The following TAFA1 variants were observed in gnomAD, a reference collection of about 807,000 sequenced individuals.
The protein encoded by TAFA1 is chemokine-like protein TAFA-1.
TAFA1 carries 4 observed loss-of-function variants against 18.5 expected under a neutral mutation model. That is an observed-to-expected ratio of 0.22 (90% CI 0.11 to 0.49). The LOEUF is 0.49. TAFA1 is among the 20% of genes least tolerant of loss of function. TAFA1 has a pLI of 0.98. For missense variants in TAFA1, 147 were observed against 169.0 expected (o/e 0.87, Z 0.72); for synonymous variants, 56 against 55.2 (o/e 1.01, Z -0.06).
intron 2 of TAFA1, among the ~76,000 whole-genome samples, chr3:68,361,165 T>TA (rs147885772): frequency 0.076 from 11,586 of 151,898 alleles, 635 homozygotes; most frequent in East Asian, 0.28. Context: ...AACAGCATTA[T>TA]AAAAAAGAAT....
chr3:68,487,806 C>CAAA lies in TAFA1; in HGVS notation c.260-50948_260-50946dup, dbSNP rs540869246. 1.1e-4 allele frequency among the ~76,000 whole-genome samples: 11 copies of CAAA among 97,588 alleles called. 1 individual carries two copies. Among genetic ancestry groups the CAAA allele is most frequent in the South Asian group, 3.3e-4 (1 of 3,026 alleles). The allele number at this position is 97,588 out of a possible 152,430, so 64.0% of individuals were successfully genotyped here. A position where few individuals can be genotyped will look rare whatever the true frequency, so the allele number is the denominator to read the frequency against. ...GTGAGTGTTAAACTGTTCTCTGTAC[C>CAAA]AAAAGAAAAAAAAAAAAGGTGAAGT... On this transcript the variant is annotated intron_variant, in intron 3 of 4. Transcript: ENST00000478136.
chr3:68,193,747 CA>C (rs112863815), intron 2 of TAFA1, among the ~76,000 whole-genome samples: 18 of 146,400 alleles, frequency 1.2e-4, no homozygotes, highest in Middle Eastern at 3.5e-3. Flanking sequence ...AAGTGGATTG[CA>C]AAAAAAAAAT....
intron 3 of TAFA1, among the ~76,000 whole-genome samples, chr3:68,460,685 AG>A (rs762756670): frequency 3.9e-5 from 6 of 152,162 alleles, no homozygotes; most frequent in Non-Finnish European, 7.3e-5. Context: ...AGATGAGAAA[AG>A]GCAGTACCTG....
chr3:68,357,410 G>A (rs576777913), intron 2 of TAFA1, among the ~76,000 whole-genome samples: 2 of 151,940 alleles, frequency 1.3e-5, no homozygotes, highest in South Asian at 2.1e-4. Flanking sequence ...ATAGCAAGGC[G>A]AAAAACACTT....
chr3:68,156,814 C>T (rs1286228106), intron 2 of TAFA1, among the ~76,000 whole-genome samples: 3 of 151,936 alleles, frequency 2.0e-5, no homozygotes, highest in Non-Finnish European at 4.4e-5. Flanking sequence ...TTAATTAATG[C>T]CATCCTTATC....
At chr3:68,375,728 C>T (rs1039816459) in intron 2 of TAFA1, among the ~76,000 whole-genome samples, 1 of 152,170 alleles carries the variant, frequency 6.6e-6, no homozygotes, top group African/African-American at 2.4e-5. Context: ...GTGTATCAGG[C>T]TCAGTGCTAC....
At chr3:68,213,038 C>G (rs1398355348) in intron 2 of TAFA1, among the ~76,000 whole-genome samples, 1 of 150,296 alleles carries the variant, frequency 6.7e-6, no homozygotes, top group African/African-American at 2.4e-5. Flanking sequence ...TTTTTTTAAT[C>G]ATTTTAGAGA....
chr3:68,511,591 C>T (rs1334872918), intron 3 of TAFA1, among the ~76,000 whole-genome samples: 1 of 151,958 alleles, frequency 6.6e-6, no homozygotes, highest in Non-Finnish European at 1.5e-5. Flanking sequence ...CTTTAAATAA[C>T]TACATATTAA....
chr3:68,026,157 A>T (rs1387833221), intron 2 of TAFA1, among the ~76,000 whole-genome samples: 1 of 152,090 alleles, frequency 6.6e-6, no homozygotes, highest in Admixed American at 6.6e-5. Flanking sequence ...CTTTGCTAAA[A>T]ATGAAATTCC....
intron 4 of TAFA1, among the ~76,000 whole-genome samples, chr3:68,539,375 G>C (rs1007445460): frequency 2.6e-5 from 4 of 151,970 alleles, no homozygotes; most frequent in African/African-American, 4.8e-5. Context: ...GGTTAAATCA[G>C]GAGTGATCTT....
chr3:68,058,282 T>G (rs1334548142), intron 2 of TAFA1, among the ~76,000 whole-genome samples: 1 of 152,236 alleles, frequency 6.6e-6, no homozygotes, highest in Non-Finnish European at 1.5e-5. Flanking sequence ...TATCTTATAT[T>G]GTTGTTATAA....
chr3:68,003,252 G>C (rs533336361), upstream of TAFA1, among the ~76,000 whole-genome samples: 1 of 152,328 alleles, frequency 6.6e-6, no homozygotes, highest in African/African-American at 2.4e-5. Flanking sequence ...TGTAACATGA[G>C]AAAACAGAAT....
At chr3:68,126,617 G>A (rs952647345) in intron 2 of TAFA1, among the ~76,000 whole-genome samples, 5 of 152,206 alleles carry the variant, frequency 3.3e-5, no homozygotes, top group African/African-American at 1.2e-4. Flanking sequence ...CCCCAGGTTT[G>A]GACAATAGAT....
intron 2 of TAFA1, among the ~76,000 whole-genome samples, chr3:68,337,265 A>G (rs907620454): frequency 5.3e-5 from 8 of 152,264 alleles, no homozygotes; most frequent in East Asian, 3.9e-4. Context: ...AGCAAGTCCT[A>G]TGTGGCTGGA....
At chr3:68,441,756 T>C (rs1451051736) in intron 3 of TAFA1, among the ~76,000 whole-genome samples, 1 of 152,134 alleles carries the variant, frequency 6.6e-6, no homozygotes, top group Non-Finnish European at 1.5e-5. Context: ...GAGTTCCCTA[T>C]GATCAGTTGA....
intron 2 of TAFA1, among the ~76,000 whole-genome samples, chr3:68,059,541 T>C (rs1444485995): frequency 4.0e-5 from 6 of 151,750 alleles, no homozygotes; most frequent in Admixed American, 3.9e-4. Context: ...ACAGGACAGG[T>C]GGGTTTTGAG....
At chr3:68,297,416 A>G (rs1328476970) in intron 2 of TAFA1, among the ~76,000 whole-genome samples, 2 of 152,156 alleles carry the variant, frequency 1.3e-5, no homozygotes, top group Admixed American at 1.3e-4. Flanking sequence ...AGCCCCTGGG[A>G]AAATTTACAA....
chr3:68,478,178 A>T (rs567588067), intron 3 of TAFA1, among the ~76,000 whole-genome samples: 1 of 152,208 alleles, frequency 6.6e-6, no homozygotes, highest in Non-Finnish European at 1.5e-5. Flanking sequence ...CTCATTAGGT[A>T]TTCCCAATTT....
chr3:68,261,224 C>T (rs1457564316), intron 2 of TAFA1, among the ~76,000 whole-genome samples: 2 of 152,184 alleles, frequency 1.3e-5, no homozygotes, highest in Admixed American at 6.5e-5. Context: ...GATACCATCT[C>T]ACACCAGTTA....
Sources: allele counts gnomAD v4.1 joint callset (sites outside exome capture counted in the v4.1 genomes callset), GRCh38; gene constraint gnomAD v4.1.1; transcripts MANE v1.5; gene names NCBI Gene and HGNC (gene_info 2026-07-23, HGNC 2026-07-21).